Variants in BOD1L1 observed in about 807,000 individuals in gnomAD.
BOD1L1 encodes biorientation of chromosomes in cell division protein 1-like 1.
Under a neutral mutation model 240.7 loss-of-function variants are expected in BOD1L1, and 86 were observed. The ratio of observed to expected loss-of-function variants is 0.36; its 90% CI spans 0.30 to 0.43. The LOEUF is 0.43. Among genes scored for constraint, BOD1L1 ranks in the 20% least tolerant of loss-of-function variants. The probability of loss-of-function intolerance (pLI) is 1.00; values close to 1 mark genes in which losing one functional copy is unlikely to be tolerated. For missense variants in BOD1L1, 3,554 were observed against 3,643.5 expected (o/e 0.98, Z 0.63); for synonymous variants, 1,268 against 1,272.3 (o/e 1.00, Z 0.07).
At chr4:13,585,933 T>G (rs981297236) in intron 17 of BOD1L1, among the ~76,000 whole-genome samples, 2 of 152,204 alleles carry the variant, frequency 1.3e-5, no homozygotes, top group African/African-American at 4.8e-5. Context: ...CGTGAGTCAA[T>G]TAAACCTCTT....
intron 12 of BOD1L1, among the ~76,000 whole-genome samples, chr4:13,594,692 C>A (rs904205299): frequency 1.8e-4 from 28 of 152,226 alleles, no homozygotes; most frequent in African/African-American, 6.3e-4. Flanking sequence ...GTCAGGAGAT[C>A]GAGACCATCC....
At position 13,569,604 on chromosome 4, in the gene BOD1L1, G is replaced by T. The variant is rs1316879638; in HGVS notation, c.*407C>A. ...CTGTAAAATAAATAAAGTGTTCATTGATTAGCATCATACATAGAGTAAAAT... is the reference window on the plus strand; with the variant it reads ...CTGTAAAATAAATAAAGTGTTCATTTATTAGCATCATACATAGAGTAAAAT... On this transcript the variant is annotated 3_prime_UTR_variant, in exon 26 of 26. Transcript: ENST00000040738. The T allele has an allele frequency of 6.5e-6, 1 of 152,978 alleles. No homozygotes were observed. Among genetic ancestry groups the T allele is most frequent in the Admixed American group, 6.5e-5 (1 of 15,288 alleles). The allele number at this position is 152,978 out of a possible 1,614,324, so 9.5% of individuals were successfully genotyped here. A position where few individuals can be genotyped will look rare whatever the true frequency, so the allele number is the denominator to read the frequency against.
At chr4:13,579,510 G>C (rs2108888342) in intron 22 of BOD1L1, among the ~76,000 whole-genome samples, 2 of 152,134 alleles carry the variant, frequency 1.3e-5, no homozygotes, top group South Asian at 4.2e-4. Flanking sequence ...AATCTTTGTT[G>C]TTGATATCAA....
At chr4:13,575,172 G>GCCTC (rs1163822429) in intron 25 of BOD1L1, among the ~76,000 whole-genome samples, 1 of 151,972 alleles carries the variant, frequency 6.6e-6, no homozygotes, top group African/African-American at 2.4e-5. Flanking sequence ...GCCGGCCTCA[G>GCCTC]CCTCCCAAAG....
Position 13,600,933 on chromosome 4 carries a change from A to C in BOD1L1, c.5967T>G (p.Ser1989Arg), listed in dbSNP as rs749934239. 1.9e-6 allele frequency: 3 copies of C among 1,613,914 alleles called. No homozygotes were observed. In the South Asian group the frequency reaches 3.3e-5, roughly 18 times the overall value. ...MTSAASDQSDSQLEKVEDTTI... is the reference protein window; with the variant it reads ...MTSAASDQSDRQLEKVEDTTI... ...TGGTATCTTCAACTTTTTCGAGCTGACTGTCACTTTGATCAGATGCAGCAC... is the reference window on the plus strand; with the variant it reads ...TGGTATCTTCAACTTTTTCGAGCTGCCTGTCACTTTGATCAGATGCAGCAC... Residue 1989 changes from serine (S) to arginine (R), a missense_variant, in exon 10 of 26, where the codon AGT becomes AGG. By Grantham distance (110) the Ser-to-Arg change is moderately radical. This residue lies in a region of BOD1L1 where 3,393 missense variants were observed against 3,427.1 expected (regional missense o/e 0.99). Transcript: ENST00000040738.
chr4:13,575,347 T>C (rs995091685), intron 25 of BOD1L1, among the ~76,000 whole-genome samples: 1 of 152,176 alleles, frequency 6.6e-6, no homozygotes, highest in Admixed American at 6.5e-5. Context: ...GATACCAAGA[T>C]TAATAGCTTG....
At chr4:13,572,906 G>T in intron 25 of BOD1L1, 1 of 1,241,000 alleles carries the variant, frequency 8.1e-7, no homozygotes, top group African/African-American at 1.6e-5. Flanking sequence ...CTGGAACTCT[G>T]TAGGAAGTAT....
chr4:13,607,187 T>C lies in BOD1L1; in HGVS notation c.1745A>G (p.Asn582Ser). The change falls in exon 9 of 26, where the codon AAT becomes AGT. Residue 582 changes from asparagine (N) to serine (S), a missense_variant and splice_region_variant. Coordinates refer to ENST00000040738, the MANE Select transcript of BOD1L1 (RefSeq NM_148894.3). Reference sequence around the variant, plus strand: ...TTTCTTTTTGGAGTTCTCTTCAACATTCCTAAGGGGGAAAGAGTCAAATAT... The same window carrying C: ...TTTCTTTTTGGAGTTCTCTTCAACACTCCTAAGGGGGAAAGAGTCAAATAT... ...LSKKRKKDSRNVEENSKKKQQ... is the reference protein window; with the variant it reads ...LSKKRKKDSRSVEENSKKKQQ... 1 of 1,561,542 alleles carries C rather than the reference T, an allele frequency of 6.4e-7. No individual in the cohort carries two copies. The highest frequency in any genetic ancestry group is 8.7e-7 in the Non-Finnish European group (1 of 1,153,970).
intron 1 of BOD1L1, among the ~76,000 whole-genome samples, chr4:13,622,449 TAC>T (rs1308129197): frequency 1.3e-5 from 2 of 152,188 alleles, no homozygotes; most frequent in Admixed American, 6.5e-5. Flanking sequence ...TACACATATA[TAC>T]ACACACACAT....
intron 5 of BOD1L1, among the ~76,000 whole-genome samples, chr4:13,612,568 T>C (rs535136194): frequency 2.6e-5 from 4 of 152,272 alleles, no homozygotes; most frequent in Admixed American, 6.5e-5. Context: ...GCACAGTGCC[T>C]GGAAGACAGG....
At position 13,590,517 on chromosome 4, in the gene BOD1L1, G is replaced by A. The variant is rs193017950; in HGVS notation, c.8149-71C>T. On this transcript the variant is annotated intron_variant, in intron 13 of 25. Transcript: ENST00000040738. ...TTTAAAGGCAAAAAGAAAGAAGAGA[G>A]AAGGTAATTTACATAACCTGGCTAT... The A allele has an allele frequency of 4.0e-6, 3 of 755,156 alleles. No homozygotes were observed. The South Asian group carries it at 6.3e-5, about 16-fold the overall frequency. 46.8% of individuals were successfully genotyped at this position (755,156 alleles called of 1,614,324 possible). A position where few individuals can be genotyped will look rare whatever the true frequency, so the allele number is the denominator to read the frequency against.
At chr4:13,583,091 G>C (rs1713368646) in intron 17 of BOD1L1, among the ~76,000 whole-genome samples, 1 of 152,154 alleles carries the variant, frequency 6.6e-6, no homozygotes, top group Non-Finnish European at 1.5e-5. Context: ...ATTTATCTTT[G>C]TGGAGTGATG....
intron 6 of BOD1L1, among the ~76,000 whole-genome samples, chr4:13,609,896 C>T (rs967479920): frequency 5.3e-5 from 8 of 152,152 alleles, no homozygotes; most frequent in Admixed American, 1.3e-4. Context: ...CCAAGGGACT[C>T]AGGACTTGCA....
rs184233130 is a variant in BOD1L1 at position 13,582,592 on chromosome 4, A to G, written c.8518+60T>C. 2.3e-5 allele frequency: 29 copies of G among 1,287,226 alleles called. No individual in the cohort carries two copies. In the East Asian group the frequency reaches 5.5e-4, roughly 25 times the overall value. The allele number at this position is 1,287,226 out of a possible 1,614,324, so 79.7% of individuals were successfully genotyped here. On this transcript the variant is annotated intron_variant, in intron 18 of 25. Coordinates refer to ENST00000040738, the MANE Select transcript of BOD1L1 (RefSeq NM_148894.3). ...ATGAGCAAAATAGACGTTTCGGTTG[A>G]GAGACACGCTGGCTGCTTTGAAGGC...
At position 13,598,990 on chromosome 4, in the gene BOD1L1, T is replaced by A. The variant is rs1714837724; in HGVS notation, c.7910A>T (p.Asp2637Val). 2 of 1,613,470 alleles carry A rather than the reference T, an allele frequency of 1.2e-6. No homozygotes were observed. The highest frequency in any genetic ancestry group is 1.7e-6 in the Non-Finnish European group (2 of 1,179,480). The change falls in exon 10 of 26, where the codon GAC becomes GTC. Residue 2637 changes from aspartate to valine, a missense_variant. This residue lies in a region of BOD1L1 where 3,393 missense variants were observed against 3,427.1 expected (regional missense o/e 0.99). Coordinates refer to ENST00000040738, the MANE Select transcript of BOD1L1 (RefSeq NM_148894.3). ...TTCAGAAGACACAGTAACCATTATG[T>A]CTCCTTCCTCAGGGAATGATTTCCT... ...STRKSFPEEG[D>V]IMVTVSSEEN...
chr4:13,615,894 A>G (rs1327256628), intron 2 of BOD1L1, among the ~76,000 whole-genome samples: 1 of 152,190 alleles, frequency 6.6e-6, no homozygotes, highest in Non-Finnish European at 1.5e-5. Context: ...AAATAAACCT[A>G]TGGTCTCTAC....
At chr4:13,582,771 C>A (rs578128678) in intron 17 of BOD1L1, 35 bp from the exon 18 acceptor site, 5 of 1,425,756 alleles carry the variant, frequency 3.5e-6, no homozygotes, top group Non-Finnish European at 9.8e-7. Flanking sequence ...GAACCTTCTT[C>A]AAACTGAAGC....
At chr4:13,622,984 T>C (rs1265202143) in intron 1 of BOD1L1, among the ~76,000 whole-genome samples, 1 of 152,236 alleles carries the variant, frequency 6.6e-6, no homozygotes, top group African/African-American at 2.4e-5. Context: ...GTCTCAGCTC[T>C]TCTATACTTG....
Position 13,604,233 on chromosome 4 carries a change from T to C in BOD1L1, c.2667A>G (p.Pro889=). The stretch of plus-strand genomic sequence containing the variant: ...GTTTCTCCTTGTGAACAACCTCTTC[T>C]GGTTTCAAATTACTATCCATGTTAG... ...DSTNMDSNLK[P]EEVVHKEKRR... is the part of the protein sequence containing the mutation. The change falls in exon 10 of 26, where the codon CCA becomes CCG. Residue 889 remains proline (P), a synonymous_variant. Coordinates refer to ENST00000040738, the MANE Select transcript of BOD1L1 (RefSeq NM_148894.3). The C allele has an allele frequency of 1.2e-6, 2 of 1,613,722 alleles. No individual in the cohort carries two copies. Among genetic ancestry groups the C allele is most frequent in the Non-Finnish European group, 1.7e-6 (2 of 1,179,830 alleles).
Sources: gnomAD v4.1 joint callset for allele counts (sites outside exome capture counted in the v4.1 genomes callset) on GRCh38, gnomAD v4.1.1 for gene constraint, gnomAD v4.1.1 regional missense constraint, MANE v1.5 for transcripts, NCBI Gene and HGNC (gene_info 2026-07-23, HGNC 2026-07-21) for gene names.